KCNIP4: variants seen among roughly 807,000 people sequenced by gnomAD.
KCNIP4 encodes potassium voltage-gated channel interacting protein 4.
A neutral mutation model predicts 34.0 loss-of-function variants in KCNIP4; 12 were observed. That is an observed-to-expected ratio of 0.35 (90% CI 0.23 to 0.57). KCNIP4 has a LOEUF of 0.57. Ranked by LOEUF, KCNIP4 falls within the 20% of genes least tolerant of loss-of-function variation. The pLI is 0.83. For missense variants in KCNIP4, 238 were observed against 311.7 expected, an observed-to-expected ratio of 0.76 and a Z score of 1.78; for synonymous variants, 124 against 102.2, an observed-to-expected ratio of 1.21 and a Z score of -1.29.
At chr4:21,262,391 C>T (rs930238612) in intron 1 of KCNIP4, among the ~76,000 whole-genome samples, 1 of 152,148 alleles carries the variant, frequency 6.6e-6, no homozygotes, top group African/African-American at 2.4e-5. Context: ...TCCAGAATGC[C>T]TTTGACTGTA....
chr4:21,192,061 T>C (rs1002045364), intron 1 of KCNIP4, among the ~76,000 whole-genome samples: 3 of 152,192 alleles, frequency 2.0e-5, no homozygotes, highest in Non-Finnish European at 4.4e-5. Flanking sequence ...CCTCTAGAAG[T>C]ATAACTTGTT....
chr4:21,130,043 G>A (rs985790794), intron 1 of KCNIP4, among the ~76,000 whole-genome samples: 7 of 151,960 alleles, frequency 4.6e-5, no homozygotes, highest in African/African-American at 9.7e-5. Context: ...CCGGCAAAAC[G>A]TTTTGACCTA....
intron 1 of KCNIP4, among the ~76,000 whole-genome samples, chr4:20,972,749 C>G (rs377365211): frequency 1.3e-5 from 2 of 152,084 alleles, no homozygotes; most frequent in African/African-American, 2.4e-5. Flanking sequence ...GGGACCCGAG[C>G]AAGTTGCCTG....
At chr4:20,971,246 T>G (rs1328749587) in intron 1 of KCNIP4, among the ~76,000 whole-genome samples, 1 of 152,168 alleles carries the variant, frequency 6.6e-6, no homozygotes, top group Non-Finnish European at 1.5e-5. Context: ...GCCTCTTTTT[T>G]TCTGCCTGAG....
intron 1 of KCNIP4, among the ~76,000 whole-genome samples, chr4:21,048,384 G>A (rs915191052): frequency 6.6e-6 from 1 of 152,150 alleles, no homozygotes. Flanking sequence ...TTGTTCACCA[G>A]TCAACTGACC....
At chr4:20,731,738 T>C (rs1413084908) in intron 8 of KCNIP4, 1 of 985,254 alleles carries the variant, frequency 1.0e-6, no homozygotes, top group Admixed American at 6.2e-5. Flanking sequence ...ATGAATACTC[T>C]CTAAGGAATT....
intron 3 of KCNIP4, among the ~76,000 whole-genome samples, chr4:20,835,424 C>G (rs1044770581): frequency 6.6e-6 from 1 of 152,088 alleles, no homozygotes; most frequent in Non-Finnish European, 1.5e-5. Context: ...GGTCACTTAA[C>G]AATTCCTTGC....
intron 1 of KCNIP4, among the ~76,000 whole-genome samples, chr4:21,806,601 G>T (rs1215785222): frequency 6.6e-6 from 1 of 152,146 alleles, no homozygotes; most frequent in African/African-American, 2.4e-5. Context: ...ACTGTATTCA[G>T]CACTGAAATA....
chr4:21,506,139 T>C (rs10027808), intron 1 of KCNIP4, among the ~76,000 whole-genome samples: 11,833 of 152,246 alleles, frequency 0.078, 1,434 homozygotes, highest in African/African-American at 0.26. Context: ...AAATAATTTA[T>C]GACTATTATG....
chr4:21,128,690 A>T (rs936967564), intron 1 of KCNIP4, among the ~76,000 whole-genome samples: 6 of 152,198 alleles, frequency 3.9e-5, no homozygotes, highest in Admixed American at 2.6e-4. Flanking sequence ...GGAGCAAAAG[A>T]TTCTCATTTG....
chr4:21,879,041 T>G (rs1259544196), intron 1 of KCNIP4, among the ~76,000 whole-genome samples: 1 of 152,248 alleles, frequency 6.6e-6, no homozygotes, highest in African/African-American at 2.4e-5. Flanking sequence ...GATTATCATG[T>G]GCTGCCTACA....
At chr4:21,819,110 A>T (rs753188511) in intron 1 of KCNIP4, among the ~76,000 whole-genome samples, 4 of 152,306 alleles carry the variant, frequency 2.6e-5, no homozygotes, top group Non-Finnish European at 5.9e-5. Context: ...TTTCCAGGAA[A>T]TTTTTTTAAA....
intron 3 of KCNIP4, among the ~76,000 whole-genome samples, chr4:20,798,341 T>C (rs1713750402): frequency 1.3e-5 from 2 of 152,196 alleles, no homozygotes; most frequent in Admixed American, 6.5e-5. Flanking sequence ...ATGGGCCTTG[T>C]GAAAAGCTGT....
intron 1 of KCNIP4, among the ~76,000 whole-genome samples, chr4:21,644,950 G>C (rs998028741): frequency 5.9e-5 from 9 of 152,046 alleles, no homozygotes; most frequent in Non-Finnish European, 1.3e-4. Context: ...TGAGACTGTG[G>C]AATCCAAGAG....
intron 1 of KCNIP4, among the ~76,000 whole-genome samples, chr4:21,943,050 T>C (rs1010216480): frequency 6.6e-6 from 1 of 152,170 alleles, no homozygotes; most frequent in African/African-American, 2.4e-5. Flanking sequence ...TGAGCCACCA[T>C]TCCTGGTCTA....
chr4:20,979,959 G>A (rs1229551845), intron 1 of KCNIP4, among the ~76,000 whole-genome samples: 1 of 152,162 alleles, frequency 6.6e-6, no homozygotes. Context: ...CACTGTCTGT[G>A]CTTAGATTCA....
chr4:21,165,701 T>C (rs571994844), intron 1 of KCNIP4, among the ~76,000 whole-genome samples: 17 of 152,188 alleles, frequency 1.1e-4, no homozygotes, highest in Non-Finnish European at 2.4e-4. Context: ...CCATTAAATT[T>C]GAAAATTCTG....
chr4:21,772,020 T>TCC (rs1718829464), intron 1 of KCNIP4, among the ~76,000 whole-genome samples: 1 of 152,196 alleles, frequency 6.6e-6, no homozygotes, highest in Non-Finnish European at 1.5e-5. Context: ...AGGGAATGCC[T>TCC]CCAGCTTTTG....
chr4:21,811,664 G>A (rs559206107), intron 1 of KCNIP4, among the ~76,000 whole-genome samples: 134 of 152,282 alleles, frequency 8.8e-4, no homozygotes, highest in Middle Eastern at 3.4e-3. Context: ...CATCTGAGTG[G>A]CATATTTGTT....
Sources: allele counts gnomAD v4.1 joint callset (sites outside exome capture counted in the v4.1 genomes callset), GRCh38; gene constraint gnomAD v4.1.1; transcripts MANE v1.5; gene names NCBI Gene and HGNC (gene_info 2026-07-23, HGNC 2026-07-21).